Variants in ARHGAP8 observed in about 807,000 individuals in gnomAD.
The protein encoded by ARHGAP8 is rho GTPase-activating protein 8.
A neutral mutation model predicts 46.1 loss-of-function variants in ARHGAP8; 62 were observed. The observed-to-expected ratio is 1.34, with a 90% CI of 1.10 to 1.66. The LOEUF is 1.66. ARHGAP8 is among the 40% of genes most tolerant of loss of function. The pLI, the probability that ARHGAP8 is intolerant of heterozygous loss-of-function variation, is 0.00. For synonymous variants in ARHGAP8, 375 were observed against 243.1 expected, an observed-to-expected ratio of 1.54 and a Z score of -5.05; for missense variants, 923 against 568.4, an observed-to-expected ratio of 1.62 and a Z score of -6.34.
chr22:44,789,297 C>T (rs970898333), intron 2 of ARHGAP8, among the ~76,000 whole-genome samples: 4 of 151,924 alleles, frequency 2.6e-5, no homozygotes, highest in African/African-American at 9.7e-5. Context: ...ATTACAGGCA[C>T]CCGCCACCAA....
At chr22:44,862,208 G>C (rs572732418) in intron 11 of ARHGAP8, 67 bp from the exon 12 acceptor site, 4 of 1,526,608 alleles carry the variant, frequency 2.6e-6, no homozygotes, top group Non-Finnish European at 3.5e-6. Flanking sequence ...CTAAGTTCGG[G>C]AGGGAGTTCC....
At chr22:44,857,197 C>A (rs77422854) in intron 10 of ARHGAP8, among the ~76,000 whole-genome samples, 1 of 110,512 alleles carries the variant, frequency 9.0e-6, no homozygotes, top group East Asian at 2.2e-4. Flanking sequence ...ACCTCGGCCT[C>A]TGAAAGTGCT....
At chr22:44,859,647 A>G (rs4490294) in intron 10 of ARHGAP8, 84 bp from the exon 11 acceptor site, 14 of 1,463,168 alleles carry the variant, frequency 9.6e-6, no homozygotes, top group South Asian at 1.2e-5. Context: ...TGTCCTTCCT[A>G]CACCCCTGTT....
In ARHGAP8 at chr22:44,862,627, C is replaced by T. The variant is rs769419895; in HGVS notation, c.*32C>T. 9.8e-6 allele frequency: 15 copies of T among 1,524,156 alleles called. No individual in the cohort carries two copies. The highest frequency in any genetic ancestry group is 1.8e-4 in the Middle Eastern group (1 of 5,650). The allele number at this position is 1,524,156 out of a possible 1,614,324, so 94.4% of individuals were successfully genotyped here. ...GAACACTCTGTATATTTCGAGCTAC[C>T]TCCCACACCTGTCTGTGCACTTGTA... On this transcript the variant is annotated 3_prime_UTR_variant, in exon 12 of 12. Transcript: ENST00000356099.
Position 44,859,750 on chromosome 22 carries a change from T to A in ARHGAP8, c.897T>A (p.Arg299=), listed in dbSNP as rs61756769. 2.4e-4 allele frequency: 387 copies of A among 1,613,626 alleles called. 1 individual carries two copies. The highest frequency in any genetic ancestry group is 3.2e-4 in the Non-Finnish European group (379 of 1,179,974). ...LGITCVESSL[R]VTGCRQILRS... ...TTCCAGGTGTGGAGAGCAGCCTGCG[T>A]GTCACTGGCTGCCGCCAGATCTTAC... Residue 299 remains arginine, a synonymous_variant, in exon 11 of 12, where the codon CGT becomes CGA. Transcript: ENST00000356099.
chr22:44,757,153 C>T (rs1449336484), intron 1 of ARHGAP8, among the ~76,000 whole-genome samples: 1 of 152,072 alleles, frequency 6.6e-6, no homozygotes, highest in Non-Finnish European at 1.5e-5. Flanking sequence ...TGGGCTTAAG[C>T]GATCCTCCCA....
Position 44,862,577 on chromosome 22 carries a change from A to T in ARHGAP8, c.1284A>T (p.Ala428=). The change falls in exon 12 of 12, where the codon GCA becomes GCT. Residue 428 remains alanine (A), a synonymous_variant. Transcript: ENST00000356099. Reference sequence around the variant, plus strand: ...CCCTACCTCCGAGTCCCCTGATGGCAGCCAGAAGACGTCTCTAGTGTTGCG... The same window carrying T: ...CCCTACCTCCGAGTCCCCTGATGGCTGCCAGAAGACGTCTCTAGTGTTGCG... The part of the protein sequence containing the change: ...KPTLPPSPLM[A]ARRRL 1.3e-6 allele frequency: 2 copies of T among 1,587,430 alleles called. No homozygotes were observed. Among genetic ancestry groups the T allele is most frequent in the Non-Finnish European group, 1.7e-6 (2 of 1,161,240 alleles).
In ARHGAP8 at chr22:44,786,623, G is replaced by T; in HGVS notation, c.79+17G>T. 6.2e-7 allele frequency: 1 copy of T among 1,610,572 alleles called. No homozygotes were observed. On this transcript the variant is annotated intron_variant, in intron 2 of 11. Transcript: ENST00000356099. ...AGGTGGCAGGTAGGGCCCCAGCTGG[G>T]CAGTCTGCAGGACCATGGGCAGAGC... is the stretch of plus-strand genomic sequence containing the variant.
At chr22:44,774,043 A>G (rs570327347) in intron 1 of ARHGAP8, among the ~76,000 whole-genome samples, 1 of 152,298 alleles carries the variant, frequency 6.6e-6, no homozygotes. Flanking sequence ...TGTTGTCTAT[A>G]TTTTATAAAC....
chr22:44,853,484 A>G (rs2070146387), intron 10 of ARHGAP8, among the ~76,000 whole-genome samples: 1 of 152,180 alleles, frequency 6.6e-6, no homozygotes, highest in Non-Finnish European at 1.5e-5. Flanking sequence ...AGAGGAACTG[A>G]GAACCCGCAA....
At chr22:44,846,315 A>AGGTGGGTG (rs2069954673) in intron 8 of ARHGAP8, among the ~76,000 whole-genome samples, 1 of 152,244 alleles carries the variant, frequency 6.6e-6, no homozygotes, top group African/African-American at 2.4e-5. Flanking sequence ...GGAGCAGGCC[A>AGGTGGGTG]GGTGGGTGGT....
chr22:44,810,153 C>T (rs111231052), intron 4 of ARHGAP8, among the ~76,000 whole-genome samples: 3 of 151,730 alleles, frequency 2.0e-5, no homozygotes, highest in Admixed American at 2.0e-4. Context: ...GGTTTGTGAA[C>T]AGGTCTGCCT....
chr22:44,774,991 T>C (rs929341694), intron 1 of ARHGAP8, among the ~76,000 whole-genome samples: 1 of 151,884 alleles, frequency 6.6e-6, no homozygotes, highest in African/African-American at 2.4e-5. Context: ...CCACCATGCC[T>C]GGCTAACTTT....
At chr22:44,798,669 G>A (rs573854564) in intron 2 of ARHGAP8, among the ~76,000 whole-genome samples, 7 of 152,128 alleles carry the variant, frequency 4.6e-5, no homozygotes, top group African/African-American at 1.4e-4. Flanking sequence ...CCAGTGGAAC[G>A]TTCTCTGTGC....
chr22:44,787,047 A>AAAAAAAAAC (rs796358176), intron 2 of ARHGAP8, among the ~76,000 whole-genome samples: 30 of 145,478 alleles, frequency 2.1e-4, no homozygotes, highest in South Asian at 4.4e-4. Flanking sequence ...CAAAAAAAAA[A>AAAAAAAAAC]AAAAGAAAGA....
At chr22:44,811,430 C>G (rs899777816) in intron 4 of ARHGAP8, among the ~76,000 whole-genome samples, 2 of 152,202 alleles carry the variant, frequency 1.3e-5, no homozygotes, top group Non-Finnish European at 2.9e-5. Flanking sequence ...GCAGTGACTT[C>G]CAATCGGCGG....
chr22:44,814,742 T>C lies in ARHGAP8; in HGVS notation c.370T>C (p.Leu124=), dbSNP rs770712193. Reference sequence around the variant, plus strand: ...CTTCATCAAGGTCCTGTGGAACATCTTGAAGCCCCTCATCAGGTATGCGTC... The same window carrying C: ...CTTCATCAAGGTCCTGTGGAACATCCTGAAGCCCCTCATCAGGTATGCGTC... ...TSFIKVLWNI[L]KPLISHKFGK... Residue 124 remains leucine, a synonymous_variant, in exon 5 of 12, where the codon TTG becomes CTG. Transcript: ENST00000356099. 2.5e-6 allele frequency: 4 copies of C among 1,614,012 alleles called. No homozygotes were observed. The highest frequency in any genetic ancestry group is 1.3e-5 in the African/African-American group (1 of 75,032).
chr22:44,839,141 C>T (rs1257122639), intron 7 of ARHGAP8, among the ~76,000 whole-genome samples: 1 of 151,978 alleles, frequency 6.6e-6, no homozygotes, highest in Non-Finnish European at 1.5e-5. Context: ...CTGCCACATT[C>T]CTCCCTCCCC....
intron 7 of ARHGAP8, among the ~76,000 whole-genome samples, chr22:44,837,236 T>C (rs1287118962): frequency 6.6e-6 from 1 of 152,174 alleles, no homozygotes; most frequent in Admixed American, 6.5e-5. Flanking sequence ...ATTCCTCGCA[T>C]GCAAAACCAG....
Sources: allele counts gnomAD v4.1 joint callset (sites outside exome capture counted in the v4.1 genomes callset), GRCh38; gene constraint gnomAD v4.1.1; transcripts MANE v1.5; gene names NCBI Gene and HGNC (gene_info 2026-07-23, HGNC 2026-07-21).